Variants in ASIC2 observed in about 807,000 individuals in gnomAD.
ASIC2 encodes the protein acid sensing ion channel subunit 2.
Under a neutral mutation model 57.3 loss-of-function variants are expected in ASIC2, and 25 were observed. That is an observed-to-expected ratio of 0.44 (90% confidence interval 0.32 to 0.61). ASIC2 has a LOEUF of 0.61. Ranked by LOEUF, ASIC2 falls within the 20% of genes least tolerant of loss-of-function variation. The pLI is 0.06. For synonymous variants in ASIC2, 319 were observed against 307.5 expected (o/e 1.04, Z -0.39); for missense variants, 641 against 738.1 (o/e 0.87, Z 1.52).
chr17:33,598,242 A>G (rs1277723535), intron 1 of ASIC2, among the ~76,000 whole-genome samples: 1 of 152,156 alleles, frequency 6.6e-6, no homozygotes, highest in Non-Finnish European at 1.5e-5. Context: ...CTTTTAACTC[A>G]TGGTTGAATA....
At chr17:33,317,903 G>C in intron 1 of ASIC2, among the ~76,000 whole-genome samples, 1 of 151,446 alleles carries the variant, frequency 6.6e-6, no homozygotes, top group East Asian at 2.0e-4. Flanking sequence ...GTGTGTGTGT[G>C]TGTGTGTGTG....
At chr17:33,133,247 G>T (rs1003806563) in intron 1 of ASIC2, among the ~76,000 whole-genome samples, 1 of 152,158 alleles carries the variant, frequency 6.6e-6, no homozygotes, top group African/African-American at 2.4e-5. Context: ...GGCACAGCAT[G>T]AGCAGAGGGC....
At chr17:33,031,440 C>T (rs1337230603) in intron 3 of ASIC2, among the ~76,000 whole-genome samples, 1 of 151,984 alleles carries the variant, frequency 6.6e-6, no homozygotes, top group African/African-American at 2.4e-5. Context: ...ATGTTTTGGT[C>T]AGAAAACATC....
At chr17:33,045,799 C>T (rs941975018) in intron 3 of ASIC2, among the ~76,000 whole-genome samples, 9 of 152,186 alleles carry the variant, frequency 5.9e-5, no homozygotes, top group Non-Finnish European at 1.2e-4. Flanking sequence ...TCTCCTCCTC[C>T]GTTTCCTCTT....
chr17:33,297,856 AAATAAATAAAT>A (rs1428817550), upstream of ASIC2, among the ~76,000 whole-genome samples: 2 of 146,530 alleles, frequency 1.4e-5, no homozygotes, highest in African/African-American at 5.3e-5. Flanking sequence ...ATAAATAAAT[AAATAAATAAAT>A]AATAAAGTTT....
At chr17:33,073,415 C>A (rs574812516) in intron 3 of ASIC2, among the ~76,000 whole-genome samples, 49 of 152,276 alleles carry the variant, frequency 3.2e-4, no homozygotes, top group African/African-American at 1.1e-3. Flanking sequence ...GAAAAGAGCA[C>A]AGGCTTTGGA....
intron 1 of ASIC2, among the ~76,000 whole-genome samples, chr17:33,488,671 A>G (rs753555521): frequency 3.9e-5 from 6 of 152,160 alleles, no homozygotes; most frequent in Admixed American, 1.3e-4. Flanking sequence ...ATTCTCCTGT[A>G]AAGAATTCTT....
intron 1 of ASIC2, among the ~76,000 whole-genome samples, chr17:33,228,688 GT>G (rs1907977865): frequency 6.6e-6 from 1 of 152,250 alleles, no homozygotes; most frequent in Non-Finnish European, 1.5e-5. Flanking sequence ...TGCGTCACGT[GT>G]GAATGAGCTG....
chr17:33,100,958 G>T (rs2092209860), intron 2 of ASIC2, among the ~76,000 whole-genome samples: 1 of 152,208 alleles, frequency 6.6e-6, no homozygotes, highest in Non-Finnish European at 1.5e-5. Context: ...ATGCTAAATG[G>T]ATACCTGCCT....
chr17:34,039,341 C>G, intron 1 of ASIC2: 2 of 1,613,978 alleles, frequency 1.2e-6, no homozygotes, highest in Non-Finnish European at 1.7e-6. Context: ...TTTTGCTGAG[C>G]TGAAACAAAA....
chr17:33,110,289 G>A lies in ASIC2; in HGVS notation c.859+1628C>T, dbSNP rs1360535047. Among the ~76,000 whole-genome samples, 4 of 152,180 alleles carry A rather than the reference G, an allele frequency of 2.6e-5. No individual in the cohort carries two copies. In the East Asian group the frequency reaches 5.8e-4, roughly 22 times the overall value. On this transcript the variant is annotated intron_variant, in intron 2 of 9. Coordinates refer to ENST00000225823, the MANE Select transcript of ASIC2 (RefSeq NM_183377.2). ...TTTGGGGACCAAGACTCCACCCCCT[G>A]GACTCCGGGTTGTCTACAGGCCCCC...
intron 2 of ASIC2, among the ~76,000 whole-genome samples, chr17:33,091,734 C>T (rs2092158340): frequency 6.6e-6 from 1 of 152,140 alleles, no homozygotes; most frequent in South Asian, 2.1e-4. Context: ...TTTTTAAAAA[C>T]ATCCAGTGGC....
At chr17:33,711,249 G>A (rs765650405) in intron 1 of ASIC2, among the ~76,000 whole-genome samples, 35 of 152,212 alleles carry the variant, frequency 2.3e-4, no homozygotes, top group African/African-American at 8.4e-4. Flanking sequence ...GGCAAAGCAA[G>A]GTGTTCCAAC....
At chr17:33,227,615 T>G (rs1907938061) in intron 1 of ASIC2, among the ~76,000 whole-genome samples, 2 of 152,134 alleles carry the variant, frequency 1.3e-5, no homozygotes. Flanking sequence ...CCAGGCCCTG[T>G]AGTTAAGGAA....
chr17:33,704,944 C>T (rs898484301), intron 1 of ASIC2, among the ~76,000 whole-genome samples: 8 of 152,184 alleles, frequency 5.3e-5, no homozygotes, highest in African/African-American at 1.9e-4. Flanking sequence ...TTTGAAACCC[C>T]ACAAAACCTC....
At chr17:34,050,372 G>A (rs976311081) in intron 1 of ASIC2, among the ~76,000 whole-genome samples, 3 of 152,080 alleles carry the variant, frequency 2.0e-5, no homozygotes, top group African/African-American at 7.2e-5. Flanking sequence ...ATACATTGAG[G>A]TGGCAAAAAG....
At chr17:33,547,830 C>T (rs999150839) in intron 1 of ASIC2, among the ~76,000 whole-genome samples, 2 of 152,190 alleles carry the variant, frequency 1.3e-5, no homozygotes, top group African/African-American at 4.8e-5. Flanking sequence ...AGTCTCCCCA[C>T]CTCATACCCA....
chr17:33,211,324 G>A (rs988282600), intron 1 of ASIC2, among the ~76,000 whole-genome samples: 5 of 152,076 alleles, frequency 3.3e-5, no homozygotes, highest in Non-Finnish European at 7.4e-5. Context: ...GTGATATCAT[G>A]TTGATGGCTT....
At chr17:33,427,966 G>C (rs1465135739) in intron 1 of ASIC2, among the ~76,000 whole-genome samples, 1 of 152,140 alleles carries the variant, frequency 6.6e-6, no homozygotes, top group East Asian at 1.9e-4. Flanking sequence ...CATGTTGTCA[G>C]GATGCTCAAT....
Sources: allele counts gnomAD v4.1 joint callset (sites outside exome capture counted in the v4.1 genomes callset), GRCh38; gene constraint gnomAD v4.1.1; transcripts MANE v1.5; gene names NCBI Gene and HGNC (gene_info 2026-07-23, HGNC 2026-07-21).